Variants in GLI3 observed in about 807,000 individuals in gnomAD.
GLI3 encodes GLI family zinc finger 3.
In GLI3, 20 loss-of-function variants were observed where a neutral mutation model predicts 100.8. The observed-to-expected ratio is 0.20, with a 90% confidence interval of 0.14 to 0.29. The LOEUF (loss-of-function observed/expected upper bound fraction) is 0.29, where lower values mean the gene tolerates loss of function less well. Among genes scored for constraint, GLI3 ranks in the 10% least tolerant of loss-of-function variants. The pLI is 1.00. For synonymous variants in GLI3, 938 were observed against 860.5 expected (o/e 1.09, Z -1.58); for missense variants, 2,040 against 2,128.5 (o/e 0.96, Z 0.82).
intron 10 of GLI3, among the ~76,000 whole-genome samples, chr7:42,021,797 T>C (rs1017679187): frequency 6.6e-6 from 1 of 152,274 alleles, no homozygotes; most frequent in Non-Finnish European, 1.5e-5. Context: ...ACATCTGTTC[T>C]ATAATGGCAG....
intron 10 of GLI3, among the ~76,000 whole-genome samples, chr7:42,019,415 C>A (rs1049850455): frequency 2.0e-5 from 3 of 152,130 alleles, no homozygotes; most frequent in African/African-American, 7.2e-5. Context: ...ACTTCTCGGA[C>A]AAAATTAAAA....
At chr7:42,220,719 T>C (rs1423290445) in intron 2 of GLI3, among the ~76,000 whole-genome samples, 1 of 152,278 alleles carries the variant, frequency 6.6e-6, no homozygotes. Flanking sequence ...GGGTTTATTG[T>C]CCTTTCTTTT....
At chr7:41,982,631 G>A (rs1448613386) in intron 10 of GLI3, among the ~76,000 whole-genome samples, 6 of 151,058 alleles carry the variant, frequency 4.0e-5, no homozygotes, top group Non-Finnish European at 5.9e-5. Flanking sequence ...GAGCCCAGGA[G>A]GTCAAGGCAG....
intron 1 of GLI3, among the ~76,000 whole-genome samples, chr7:42,259,977 A>G (rs943573085): frequency 6.6e-6 from 1 of 152,224 alleles, no homozygotes; most frequent in Non-Finnish European, 1.5e-5. Flanking sequence ...GCAGCCTTTC[A>G]GGACTGTAGT....
At chr7:42,181,060 C>A (rs1045081317) in intron 2 of GLI3, among the ~76,000 whole-genome samples, 5 of 152,174 alleles carry the variant, frequency 3.3e-5, no homozygotes, top group African/African-American at 1.2e-4. Flanking sequence ...AGGGCTAAGG[C>A]AACCACACAC....
chr7:42,014,357 C>A (rs994927958), intron 10 of GLI3, among the ~76,000 whole-genome samples: 2 of 152,218 alleles, frequency 1.3e-5, no homozygotes, highest in Non-Finnish European at 2.9e-5. Flanking sequence ...GCTCTAACTG[C>A]ATTACTTATC....
chr7:42,250,842 G>A (rs1179159713), intron 1 of GLI3, among the ~76,000 whole-genome samples: 1 of 152,154 alleles, frequency 6.6e-6, no homozygotes, highest in Admixed American at 6.5e-5. Context: ...ACATATCACG[G>A]ACATTTACCT....
intron 3 of GLI3, among the ~76,000 whole-genome samples, chr7:42,100,553 T>C (rs1203812697): frequency 1.3e-5 from 2 of 149,620 alleles, no homozygotes; most frequent in South Asian, 2.1e-4. Flanking sequence ...CTCTGCAACA[T>C]GGTAAAACCC....
chr7:42,075,692 T>C (rs1784865421), intron 4 of GLI3, among the ~76,000 whole-genome samples: 1 of 152,196 alleles, frequency 6.6e-6, no homozygotes, highest in South Asian at 2.1e-4. Flanking sequence ...GATTTATTAC[T>C]TACCTCCAGG....
intron 4 of GLI3, among the ~76,000 whole-genome samples, chr7:42,058,652 G>C (rs1172677828): frequency 6.6e-6 from 1 of 152,146 alleles, no homozygotes; most frequent in Non-Finnish European, 1.5e-5. Flanking sequence ...AACTTTGGAG[G>C]GGGCAGGGGC....
intron 10 of GLI3, among the ~76,000 whole-genome samples, chr7:41,989,485 T>A (rs1229471100): frequency 6.6e-6 from 1 of 152,132 alleles, no homozygotes; most frequent in Non-Finnish European, 1.5e-5. Context: ...ATGCAACCTC[T>A]CCGAAGGATC....
chr7:42,225,900 T>C (rs185040308), intron 1 of GLI3, among the ~76,000 whole-genome samples: 11 of 152,304 alleles, frequency 7.2e-5, no homozygotes, highest in Admixed American at 5.9e-4. Flanking sequence ...GGCTTCTACT[T>C]TCCCAGCACT....
chr7:42,026,859 T>C lies in GLI3; in HGVS notation c.1029-447A>G, dbSNP rs559296977. 3.3e-4 allele frequency among the ~76,000 whole-genome samples: 51 copies of C among 152,294 alleles called. 1 individual carries two copies. The South Asian group carries it at 9.8e-3, about 29-fold the overall frequency. ...TATTACAAGAGGAAAGAAAATCAAT[T>C]GGTTAAATGTGTTTTGAACACCATG... is the stretch of plus-strand genomic sequence containing the variant. On this transcript the variant is annotated intron_variant, in intron 7 of 14. Coordinates refer to ENST00000395925, the MANE Select transcript of GLI3 (RefSeq NM_000168.6).
intron 2 of GLI3, among the ~76,000 whole-genome samples, chr7:42,182,723 C>CACAG (rs1562776020): frequency 1.8e-5 from 2 of 112,094 alleles, no homozygotes; most frequent in Non-Finnish European, 3.5e-5. Flanking sequence ...TAAATACACA[C>CACAG]ACACACACAC....
At chr7:42,124,254 T>C (rs894803085) in intron 3 of GLI3, among the ~76,000 whole-genome samples, 5 of 152,218 alleles carry the variant, frequency 3.3e-5, no homozygotes, top group African/African-American at 1.2e-4. Context: ...GTGGCCTATA[T>C]GACTATGTCT....
At chr7:42,078,327 T>G (rs1233723359) in intron 3 of GLI3, among the ~76,000 whole-genome samples, 1 of 152,222 alleles carries the variant, frequency 6.6e-6, no homozygotes, top group Non-Finnish European at 1.5e-5. Context: ...TTTAAAGTTA[T>G]AGTACATTGC....
At chr7:42,070,775 A>C (rs1433883773) in intron 4 of GLI3, among the ~76,000 whole-genome samples, 1 of 152,056 alleles carries the variant, frequency 6.6e-6, no homozygotes, top group Admixed American at 6.6e-5. Context: ...GTCTTCTTAA[A>C]TTGTTCATTT....
rs1787548027 is a variant in GLI3 at position 41,977,753 on chromosome 7, T to C, written c.1648-31A>G. On this transcript the variant is annotated intron_variant, in intron 11 of 14. Coordinates refer to ENST00000395925, the MANE Select transcript of GLI3 (RefSeq NM_000168.6). ...GACAACAGGTAAATCTGGATTACTC[T>C]GCACAATGGCAACAGCAGCTTATGC... is the stretch of plus-strand genomic sequence containing the variant. 4 of 1,603,988 alleles carry C rather than the reference T, an allele frequency of 2.5e-6. No individual in the cohort carries two copies. In the African/African-American group the frequency reaches 4.0e-5, roughly 16 times the overall value.
Position 42,195,517 on chromosome 7 carries a change from A to G in GLI3, c.124+27613T>C, listed in dbSNP as rs1787911486. ...TTACAGTGCTTTTTCTGATTCTTTCATAAGTTTCAGCTTGCATACCTCTTC... is the reference window on the plus strand; with the variant it reads ...TTACAGTGCTTTTTCTGATTCTTTCGTAAGTTTCAGCTTGCATACCTCTTC... On this transcript the variant is annotated intron_variant, in intron 2 of 14. Coordinates refer to ENST00000395925, the MANE Select transcript of GLI3 (RefSeq NM_000168.6). 2.0e-5 allele frequency among the ~76,000 whole-genome samples: 3 copies of G among 152,142 alleles called. No individual in the cohort carries two copies. In the South Asian group the frequency reaches 6.2e-4, roughly 32 times the overall value.
Sources: allele counts gnomAD v4.1 joint callset (sites outside exome capture counted in the v4.1 genomes callset), GRCh38; gene constraint gnomAD v4.1.1; transcripts MANE v1.5; gene names NCBI Gene and HGNC (gene_info 2026-07-23, HGNC 2026-07-21).